PDE7B: variants seen among roughly 807,000 people sequenced by gnomAD.
The protein encoded by PDE7B is phosphodiesterase 7B.
PDE7B carries 29 observed loss-of-function variants against 56.2 expected under a neutral mutation model. That is an observed-to-expected ratio of 0.52 (90% CI 0.38 to 0.70). PDE7B has a LOEUF of 0.70. Among genes scored for constraint, PDE7B ranks in the 30% least tolerant of loss-of-function variants. The pLI, the probability that PDE7B is intolerant of heterozygous loss-of-function variation, is 0.00. For missense variants in PDE7B, 490 were observed against 565.0 expected (o/e 0.87, Z 1.35); for synonymous variants, 197 against 196.9 (o/e 1.00, Z 0.00).
At chr6:136,012,942 T>A (rs551298364) in intron 2 of PDE7B, among the ~76,000 whole-genome samples, 1 of 152,252 alleles carries the variant, frequency 6.6e-6, no homozygotes, top group African/African-American at 2.4e-5. Flanking sequence ...CATTCTACAG[T>A]TAGAAAAATG....
chr6:136,039,319 G>A, intron 2 of PDE7B, among the ~76,000 whole-genome samples: 1 of 152,070 alleles, frequency 6.6e-6, no homozygotes, highest in East Asian at 1.9e-4. Flanking sequence ...CTCTTTCTTT[G>A]AGGAATATGT....
At chr6:136,173,739 T>C in intron 8 of PDE7B, 58 bp from the exon 9 acceptor site, 5 of 1,122,958 alleles carry the variant, frequency 4.5e-6, no homozygotes, top group Non-Finnish European at 6.7e-6. Flanking sequence ...GTGTTCAGCA[T>C]GAAAGATCAG....
chr6:136,011,668 G>A (rs775919810), intron 2 of PDE7B, among the ~76,000 whole-genome samples: 1 of 152,178 alleles, frequency 6.6e-6, no homozygotes, highest in Non-Finnish European at 1.5e-5. Context: ...ATCCCAGTAT[G>A]TGTATATTTC....
chr6:135,937,533 C>T (rs956736116), intron 1 of PDE7B, among the ~76,000 whole-genome samples: 1 of 152,188 alleles, frequency 6.6e-6, no homozygotes, highest in Non-Finnish European at 1.5e-5. Flanking sequence ...TATCTTGCAC[C>T]TCCAACCTTC....
chr6:136,140,526 A>C (rs1778303802), intron 3 of PDE7B, among the ~76,000 whole-genome samples: 1 of 152,184 alleles, frequency 6.6e-6, no homozygotes. Context: ...TGGTAGCTTG[A>C]TGGCAATGGC....
At chr6:135,945,177 A>G (rs891502458) in intron 1 of PDE7B, among the ~76,000 whole-genome samples, 1 of 152,238 alleles carries the variant, frequency 6.6e-6, no homozygotes, top group Non-Finnish European at 1.5e-5. Context: ...AGGAACAAAT[A>G]CTATGATCAG....
chr6:135,887,122 A>T (rs7762216), intron 1 of PDE7B, among the ~76,000 whole-genome samples: 37,168 of 151,972 alleles, frequency 0.24, 8,520 homozygotes, highest in African/African-American at 0.61. Flanking sequence ...ATCAGTGATG[A>T]TGAGCATTTT....
intron 11 of PDE7B, among the ~76,000 whole-genome samples, chr6:136,184,276 C>T (rs568266216): frequency 5.3e-5 from 8 of 152,048 alleles, no homozygotes; most frequent in Non-Finnish European, 8.8e-5. Flanking sequence ...GAAACATAAA[C>T]GTGTTGAATA....
chr6:136,037,567 A>G, intron 2 of PDE7B: 1 of 985,450 alleles, frequency 1.0e-6, no homozygotes, highest in Non-Finnish European at 1.2e-6. Context: ...CAGGCCCTCC[A>G]GAGAGAAGCA....
At chr6:135,912,690 A>C (rs1307077047) in intron 1 of PDE7B, among the ~76,000 whole-genome samples, 1 of 152,234 alleles carries the variant, frequency 6.6e-6, no homozygotes, top group Non-Finnish European at 1.5e-5. Context: ...AGGAAAAAAT[A>C]AACATGGGTC....
At chr6:135,910,323 C>G (rs937293046) in intron 1 of PDE7B, among the ~76,000 whole-genome samples, 4 of 152,202 alleles carry the variant, frequency 2.6e-5, no homozygotes, top group African/African-American at 9.6e-5. Context: ...CCTCTAGAAG[C>G]CAGTATCACA....
chr6:136,103,877 C>T (rs1777603742), intron 2 of PDE7B, among the ~76,000 whole-genome samples: 3 of 152,222 alleles, frequency 2.0e-5, no homozygotes, highest in Admixed American at 2.0e-4. Flanking sequence ...GAGTCTGGTT[C>T]TTGTCACATG....
intron 3 of PDE7B, among the ~76,000 whole-genome samples, chr6:136,123,583 G>T (rs991637990): frequency 6.6e-6 from 1 of 152,142 alleles, no homozygotes; most frequent in African/African-American, 2.4e-5. Context: ...TGGTCTCTTC[G>T]CTGGGAATTG....
chr6:136,133,227 TATAATA>T (rs936757568), intron 3 of PDE7B, among the ~76,000 whole-genome samples: 2 of 149,930 alleles, frequency 1.3e-5, no homozygotes, highest in East Asian at 1.9e-4. Flanking sequence ...AAACTTAAAG[TATAATA>T]ATAATAATAT....
At chr6:136,010,430 A>T (rs1299877832) in intron 2 of PDE7B, among the ~76,000 whole-genome samples, 7 of 113,800 alleles carry the variant, frequency 6.2e-5, no homozygotes, top group Non-Finnish European at 1.0e-4. Context: ...TTTGAGACGG[A>T]GTTTCACTCC....
chr6:136,127,083 G>A (rs1005390924), intron 3 of PDE7B, among the ~76,000 whole-genome samples: 18 of 152,046 alleles, frequency 1.2e-4, no homozygotes, highest in Admixed American at 1.0e-3. Flanking sequence ...CAGAGAAATG[G>A]GGTTAGGTTC....
chr6:136,047,519 A>AGCTACTCGGGAGGCTGAGGCAGGAG (rs1776534831), intron 2 of PDE7B: 1 of 152,190 alleles, frequency 6.6e-6, no homozygotes, highest in Admixed American at 6.5e-5. Flanking sequence ...GTAAATAGAC[A>AGCTACTCGGGAGGCTGAGGCAGGAG]AAATTGGACT....
At chr6:136,060,319 A>G (rs1048878043) in intron 2 of PDE7B, among the ~76,000 whole-genome samples, 2 of 151,992 alleles carry the variant, frequency 1.3e-5, no homozygotes, top group African/African-American at 4.8e-5. Flanking sequence ...CTCTCCTTGT[A>G]CTTTCTCTTC....
intron 3 of PDE7B, among the ~76,000 whole-genome samples, chr6:136,113,102 T>C (rs1777774565): frequency 6.6e-6 from 1 of 152,218 alleles, no homozygotes; most frequent in Non-Finnish European, 1.5e-5. Flanking sequence ...ATTGTGACTA[T>C]AGTTAATAAC....
Sources: gnomAD v4.1 joint callset for allele counts (sites outside exome capture counted in the v4.1 genomes callset) on GRCh38, gnomAD v4.1.1 for gene constraint, MANE v1.5 for transcripts, NCBI Gene and HGNC (gene_info 2026-07-23, HGNC 2026-07-21) for gene names.